Variants in RUNX2 observed in about 807,000 individuals in gnomAD.
RUNX2 encodes RUNX family transcription factor 2.
A neutral mutation model predicts 51.7 loss-of-function variants in RUNX2; 10 were observed. That is an observed-to-expected ratio of 0.19 (90% CI 0.12 to 0.33). The LOEUF is 0.33. Ranked by LOEUF, RUNX2 falls within the 10% of genes least tolerant of loss-of-function variation. The pLI is 1.00. For synonymous variants in RUNX2, 276 were observed against 273.6 expected, an observed-to-expected ratio of 1.01 and a Z score of -0.09; for missense variants, 562 against 691.3, an observed-to-expected ratio of 0.81 and a Z score of 2.10.
At chr6:45,405,784 T>C (rs775780207) in intron 2 of RUNX2, among the ~76,000 whole-genome samples, 1 of 149,646 alleles carries the variant, frequency 6.7e-6, no homozygotes, top group Non-Finnish European at 1.5e-5. Flanking sequence ...TGAAAATCCG[T>C]CTCAAAAAAA....
intron 5 of RUNX2, among the ~76,000 whole-genome samples, chr6:45,480,677 T>C (rs1800088070): frequency 6.6e-6 from 1 of 152,218 alleles, no homozygotes; most frequent in African/African-American, 2.4e-5. Flanking sequence ...GAAAAGGTCT[T>C]AGACTAGATT....
chr6:45,480,266 T>C (rs1297176413), intron 5 of RUNX2, among the ~76,000 whole-genome samples: 1 of 152,226 alleles, frequency 6.6e-6, no homozygotes, highest in African/African-American at 2.4e-5. Context: ...AAAAACAGTT[T>C]TATTTTGGAG....
At chr6:45,431,682 C>T (rs1218972249) in intron 3 of RUNX2, among the ~76,000 whole-genome samples, 181 bp from the exon 4 acceptor site, 1 of 152,200 alleles carries the variant, frequency 6.6e-6, no homozygotes, top group Non-Finnish European at 1.5e-5. Flanking sequence ...GACCCTGAAA[C>T]ATTGGTCTGT....
At chr6:45,480,929 C>G (rs1291888794) in intron 5 of RUNX2, among the ~76,000 whole-genome samples, 1 of 152,258 alleles carries the variant, frequency 6.6e-6, no homozygotes, top group South Asian at 2.1e-4. Flanking sequence ...AGTTGGCTGA[C>G]TTTTTCTTTG....
intron 3 of RUNX2, among the ~76,000 whole-genome samples, chr6:45,427,147 A>G (rs1179063046): frequency 3.3e-5 from 5 of 152,162 alleles, no homozygotes; most frequent in Non-Finnish European, 5.9e-5. Context: ...CTTCTAAGTA[A>G]GGAAGTTGGA....
chr6:45,357,801 T>C (rs1793509966), intron 2 of RUNX2, among the ~76,000 whole-genome samples: 1 of 152,158 alleles, frequency 6.6e-6, no homozygotes, highest in African/African-American at 2.4e-5. Flanking sequence ...AAACTCACAA[T>C]GACATTACAT....
At chr6:45,348,438 A>G (rs1054856829) in intron 2 of RUNX2, among the ~76,000 whole-genome samples, 1 of 148,120 alleles carries the variant, frequency 6.8e-6, no homozygotes. Context: ...AGGCCGAGGT[A>G]GAAGGCTCAC....
intron 2 of RUNX2, among the ~76,000 whole-genome samples, chr6:45,398,307 T>A (rs1265984160): frequency 1.3e-5 from 2 of 152,206 alleles, no homozygotes; most frequent in African/African-American, 4.8e-5. Flanking sequence ...TCACAATAAG[T>A]GCTCAGTAAG....
At chr6:45,423,403 C>G (rs985870901) in intron 3 of RUNX2, among the ~76,000 whole-genome samples, 1 of 152,134 alleles carries the variant, frequency 6.6e-6, no homozygotes, top group Non-Finnish European at 1.5e-5. Flanking sequence ...CGGGACATCC[C>G]GGCCTGGCCG....
rs1802419943 is a variant in RUNX2 at position 45,546,979 on chromosome 6, G to GCCA, written c.1245_1247dup (p.Thr416dup). The GCCA allele has an allele frequency of 6.2e-7, 1 of 1,613,628 alleles. No individual in the cohort carries two copies. Among genetic ancestry groups the GCCA allele is most frequent in the Admixed American group, 1.7e-5 (1 of 59,964 alleles). ...CTCAGGCATGTCCCTCGGTATGTCCGCCACCACTCACTACCACACCTACCT... is the reference window on the plus strand; with the variant it reads ...CTCAGGCATGTCCCTCGGTATGTCCGCCACCACCACTCACTACCACACCTACCT... On this transcript the variant is annotated inframe_insertion, in exon 9 of 9. Transcript: ENST00000647337.
intron 2 of RUNX2, among the ~76,000 whole-genome samples, chr6:45,349,107 C>T (rs564461018): frequency 3.5e-4 from 54 of 152,182 alleles, no homozygotes; most frequent in African/African-American, 1.2e-3. Flanking sequence ...AATGTTACTG[C>T]CTATAATACA....
At chr6:45,406,971 C>T (rs1797847076) in intron 2 of RUNX2, among the ~76,000 whole-genome samples, 1 of 152,028 alleles carries the variant, frequency 6.6e-6, no homozygotes, top group Non-Finnish European at 1.5e-5. Flanking sequence ...TAAAAAATAG[C>T]AATACAATGA....
intron 2 of RUNX2, among the ~76,000 whole-genome samples, chr6:45,359,629 T>A (rs1342804660): frequency 6.6e-6 from 1 of 152,230 alleles, no homozygotes; most frequent in Admixed American, 6.6e-5. Flanking sequence ...AAGCATCTAA[T>A]AAGTATATAG....
intron 5 of RUNX2, among the ~76,000 whole-genome samples, chr6:45,471,682 C>G (rs1054822704): frequency 2.0e-5 from 3 of 152,134 alleles, no homozygotes; most frequent in African/African-American, 7.2e-5. Context: ...CTGACCTCGT[C>G]CTCCTCGGCC....
intron 2 of RUNX2, among the ~76,000 whole-genome samples, chr6:45,348,173 A>G (rs1034203330): frequency 6.6e-6 from 1 of 152,138 alleles, no homozygotes; most frequent in Non-Finnish European, 1.5e-5. Context: ...TTTAATAATT[A>G]AGAAAATAAG....
intron 5 of RUNX2, among the ~76,000 whole-genome samples, chr6:45,490,815 A>G (rs1394328457): frequency 6.6e-6 from 1 of 152,102 alleles, no homozygotes; most frequent in African/African-American, 2.4e-5. Context: ...AATCAGCTTC[A>G]GTTACTTAAT....
At chr6:45,537,732 T>G (rs181628407) in intron 7 of RUNX2, among the ~76,000 whole-genome samples, 2 of 152,148 alleles carry the variant, frequency 1.3e-5, no homozygotes, top group Admixed American at 6.5e-5. Context: ...TCCCAGCCCA[T>G]CATCAAGCAG....
intron 5 of RUNX2, among the ~76,000 whole-genome samples, chr6:45,448,123 T>C (rs1291597514): frequency 6.6e-6 from 1 of 152,226 alleles, no homozygotes; most frequent in Non-Finnish European, 1.5e-5. Context: ...TGGAGAGGTC[T>C]AGGGTCAGTG....
At chr6:45,394,154 G>T (rs940275174) in intron 2 of RUNX2, among the ~76,000 whole-genome samples, 1 of 151,348 alleles carries the variant, frequency 6.6e-6, no homozygotes, top group Non-Finnish European at 1.5e-5. Flanking sequence ...CTCGTGATCC[G>T]CCCTCCTTGG....
Sources: allele counts gnomAD v4.1 joint callset (sites outside exome capture counted in the v4.1 genomes callset), GRCh38; gene constraint gnomAD v4.1.1; transcripts MANE v1.5; gene names NCBI Gene and HGNC (gene_info 2026-07-23, HGNC 2026-07-21).